Variants in SCUBE2 observed in about 807,000 individuals in gnomAD.
SCUBE2 encodes signal peptide, CUB domain and EGF like domain containing 2, also known as signal peptide, CUB and EGF-like domain-containing protein 2.
In SCUBE2, 114 loss-of-function variants were observed where a neutral mutation model predicts 125.9. That is an observed-to-expected ratio of 0.91 (90% CI 0.78 to 1.06). SCUBE2 has a LOEUF of 1.06. Among genes scored for constraint, SCUBE2 ranks in the 50% least tolerant of loss-of-function variants. The pLI is 0.00. For missense variants in SCUBE2, 1,255 were observed against 1,301.8 expected (o/e 0.96, Z 0.55); for synonymous variants, 459 against 492.9 (o/e 0.93, Z 0.91).
At chr11:9,087,568 T>C (rs983404463) in intron 2 of SCUBE2, among the ~76,000 whole-genome samples, 1 of 152,084 alleles carries the variant, frequency 6.6e-6, no homozygotes, top group African/African-American at 2.4e-5. Context: ...ACTTCATGGA[T>C]GGATCACCAA....
chr11:9,081,106 G>A (rs567067096), intron 2 of SCUBE2, among the ~76,000 whole-genome samples: 3 of 152,338 alleles, frequency 2.0e-5, no homozygotes, highest in African/African-American at 7.2e-5. Flanking sequence ...TGTTGACAAG[G>A]ATGTGGATAA....
At position 9,067,916 on chromosome 11, in the gene SCUBE2, C is replaced by T. The variant is rs536762281; in HGVS notation, c.644-1103G>A. Among the ~76,000 whole-genome samples the T allele has an allele frequency of 8.1e-4, 100 of 124,146 alleles. 1 individual carries two copies. The South Asian group carries it at 0.028, about 34-fold the overall frequency. 81.4% of individuals were successfully genotyped at this position (124,146 alleles called of 152,430 possible). ...AAAGACTATGAAATGTTGAGGGTCTCGCCCCGCAGGTGAGTCTTGGAGGGT... is the reference window on the plus strand; with the variant it reads ...AAAGACTATGAAATGTTGAGGGTCTTGCCCCGCAGGTGAGTCTTGGAGGGT... On this transcript the variant is annotated intron_variant, in intron 5 of 22. Transcript: ENST00000649792.
In SCUBE2 at chr11:9,020,972, A is replaced by C. The variant is rs1855246548; in HGVS notation, c.*73T>G. On this transcript the variant is annotated 3_prime_UTR_variant, in exon 23 of 23. Coordinates refer to ENST00000649792, the MANE Select transcript of SCUBE2 (RefSeq NM_001367977.2). The stretch of plus-strand genomic sequence containing the variant: ...GGCAGCAATACCCGACTGTGCTGAC[A>C]TGCAGAAGGAAGACAGCTCTGTCCC... The C allele has an allele frequency of 6.5e-6, 9 of 1,388,608 alleles. No homozygotes were observed. Among genetic ancestry groups the C allele is most frequent in the Non-Finnish European group, 8.8e-6 (9 of 1,022,010 alleles). The allele number at this position is 1,388,608 out of a possible 1,614,324, so 86.0% of individuals were successfully genotyped here. A position where few individuals can be genotyped will look rare whatever the true frequency, so the allele number is the denominator to read the frequency against.
intron 2 of SCUBE2, among the ~76,000 whole-genome samples, chr11:9,081,325 A>C (rs756420687): frequency 7.2e-5 from 11 of 152,176 alleles, no homozygotes; most frequent in Non-Finnish European, 1.6e-4. Context: ...GTGCCCATTT[A>C]ACAATAACTC....
chr11:9,035,393 G>A (rs1856671337), intron 16 of SCUBE2, among the ~76,000 whole-genome samples: 2 of 152,230 alleles, frequency 1.3e-5, no homozygotes, highest in African/African-American at 4.8e-5. Flanking sequence ...GTAAGATCAA[G>A]AGCTTTGAGT....
In SCUBE2 at chr11:9,020,896, A is replaced by G. The variant is rs1855241869; in HGVS notation, c.*149T>C. ...GAAAAACCAAGTTCAATTTACCAAA[A>G]TATCTGTATTATCTATAAAAATTGA... On this transcript the variant is annotated 3_prime_UTR_variant, in exon 23 of 23. Transcript: ENST00000649792. 2 of 635,616 alleles carry G rather than the reference A, an allele frequency of 3.1e-6. No individual in the cohort carries two copies. The highest frequency in any genetic ancestry group is 2.5e-6 in the Non-Finnish European group (1 of 395,202). 39.4% of individuals were successfully genotyped at this position (635,616 alleles called of 1,614,324 possible).
intron 11 of SCUBE2, 140 bp downstream of exon 11, chr11:9,053,497 C>T: frequency 1.0e-6 from 1 of 994,664 alleles, no homozygotes; most frequent in East Asian, 2.4e-5. Flanking sequence ...TGTTTTTGAA[C>T]TATTTAAAGA....
At chr11:9,047,660 C>T (rs924231766) in intron 15 of SCUBE2, 98 bp from the exon 16 acceptor site, 12 of 1,254,780 alleles carry the variant, frequency 9.6e-6, no homozygotes, top group African/African-American at 3.0e-5. Flanking sequence ...CCCCGAGCTC[C>T]CTGTGGACCG....
chr11:9,065,097 G>C (rs1191730446), intron 7 of SCUBE2: 1 of 152,186 alleles, frequency 6.6e-6, no homozygotes, highest in African/African-American at 2.4e-5. Context: ...TTCAGAGGAA[G>C]ACAGCTGACT....
intron 3 of SCUBE2, among the ~76,000 whole-genome samples, chr11:9,077,362 C>G (rs1191292287): frequency 6.6e-6 from 1 of 152,096 alleles, no homozygotes; most frequent in East Asian, 1.9e-4. Flanking sequence ...CCCAGACACT[C>G]CAAAAATAGA....
In SCUBE2 at chr11:9,091,377, C is replaced by T. The variant is rs1564861249; in HGVS notation, c.133+19G>A. On this transcript the variant is annotated intron_variant, in intron 1 of 22. Transcript: ENST00000649792. The surrounding 1 kb of genome is among the most constrained non-coding windows in gnomAD (Gnocchi z 8.5). Reference sequence around the variant, plus strand: ...CCCTGCCTGCTGTGCCAGGTGCGCCCCCGCGGCCGGACACTCACCCTCCTG... The same window carrying T: ...CCCTGCCTGCTGTGCCAGGTGCGCCTCCGCGGCCGGACACTCACCCTCCTG... 7.7e-7 allele frequency: 1 copy of T among 1,302,612 alleles called. No individual in the cohort carries two copies. The highest frequency in any genetic ancestry group is 9.7e-7 in the Non-Finnish European group (1 of 1,030,984). The allele number at this position is 1,302,612 out of a possible 1,614,324, so 80.7% of individuals were successfully genotyped here.
chr11:9,075,205 TAA>T (rs5789594), intron 3 of SCUBE2, among the ~76,000 whole-genome samples: 91,376 of 123,896 alleles, frequency 0.74, 34,199 homozygotes, highest in Non-Finnish European at 0.84. Flanking sequence ...AGACGCCATC[TAA>T]AAAAAAAAAA....
intron 2 of SCUBE2, among the ~76,000 whole-genome samples, chr11:9,080,051 A>G (rs571001511): frequency 1.7e-4 from 26 of 152,302 alleles, no homozygotes; most frequent in African/African-American, 5.8e-4. Flanking sequence ...CTCACTATAA[A>G]CCTACAGTTA....
At chr11:9,022,822 C>T (rs1855417351) in intron 21 of SCUBE2, 2 of 152,318 alleles carry the variant, frequency 1.3e-5, no homozygotes, top group African/African-American at 4.8e-5. Flanking sequence ...TACTCACTTC[C>T]TGTTGAGCTC....
At chr11:9,079,649 G>T (rs1861477046) in intron 2 of SCUBE2, 140 bp from the exon 3 acceptor site, 2 of 810,066 alleles carry the variant, frequency 2.5e-6, no homozygotes, top group Non-Finnish European at 3.8e-6. Context: ...TACGCACAAG[G>T]TTATTCACTG....
intron 7 of SCUBE2, chr11:9,065,117 A>G (rs1590110557): frequency 1.3e-5 from 2 of 152,172 alleles, no homozygotes; most frequent in African/African-American, 4.8e-5. Flanking sequence ...TTCACTGACC[A>G]CCCACTCAGT....
chr11:9,037,848 T>C lies in SCUBE2; in HGVS notation c.2003-4052A>G, dbSNP rs552163650. 2.6e-5 allele frequency among the ~76,000 whole-genome samples: 4 copies of C among 152,346 alleles called. No homozygotes were observed. The South Asian group carries it at 6.2e-4, about 24-fold the overall frequency. ...AAATGAGCCCAGCTTGATGCCTTCT[T>C]CCTTATTGGGTTCCCAAATGCACAC... On this transcript the variant is annotated intron_variant, in intron 16 of 22. Transcript: ENST00000649792.
intron 3 of SCUBE2, among the ~76,000 whole-genome samples, chr11:9,078,785 C>T (rs1362236806): frequency 3.3e-5 from 5 of 152,212 alleles, no homozygotes; most frequent in African/African-American, 7.2e-5. Flanking sequence ...CAACACTCAA[C>T]CCCATGCAGC....
chr11:9,063,042 C>A (rs1045113495), intron 7 of SCUBE2, among the ~76,000 whole-genome samples: 3 of 151,862 alleles, frequency 2.0e-5, no homozygotes, highest in African/African-American at 4.8e-5. Flanking sequence ...GAGGTTGAGA[C>A]CAGCCTGGCC....
Sources: allele counts gnomAD v4.1 joint callset (sites outside exome capture counted in the v4.1 genomes callset), GRCh38; gene constraint gnomAD v4.1.1; non-coding constraint Gnocchi (gnomAD v3.1); transcripts MANE v1.5; gene names NCBI Gene and HGNC (gene_info 2026-07-23, HGNC 2026-07-21).